EIF4G3: variants seen among roughly 807,000 people sequenced by gnomAD.
EIF4G3 encodes the protein eIF-4-gamma 3.
In EIF4G3, 34 loss-of-function variants were observed where a neutral mutation model predicts 186.4. The observed-to-expected ratio is 0.18, with a 90% CI of 0.14 to 0.24. EIF4G3 has a LOEUF of 0.24. Among genes scored for constraint, EIF4G3 ranks in the 10% least tolerant of loss-of-function variants. EIF4G3 has a pLI of 1.00. For missense variants in EIF4G3, 1,536 were observed against 1,948.5 expected, an observed-to-expected ratio of 0.79 and a Z score of 3.99; for synonymous variants, 673 against 679.5, an observed-to-expected ratio of 0.99 and a Z score of 0.15.
intron 33 of EIF4G3, among the ~76,000 whole-genome samples, chr1:20,822,127 C>T (rs531436496): frequency 3.9e-5 from 6 of 152,190 alleles, no homozygotes; most frequent in East Asian, 1.9e-4. Context: ...CCGCCCGCCT[C>T]GGCCTCTCAA....
intron 14 of EIF4G3, among the ~76,000 whole-genome samples, chr1:20,910,784 G>A (rs1246259532): frequency 6.6e-6 from 1 of 152,088 alleles, no homozygotes; most frequent in Non-Finnish European, 1.5e-5. Context: ...TAGAGAGTAG[G>A]TTAAGGTTAA....
chr1:21,024,976 C>A (rs2091838075), intron 4 of EIF4G3, among the ~76,000 whole-genome samples: 1 of 151,936 alleles, frequency 6.6e-6, no homozygotes, highest in South Asian at 2.1e-4. Context: ...GTGATTAATT[C>A]TTCCTGGGAG....
chr1:20,932,429 G>C (rs187334018), intron 14 of EIF4G3, among the ~76,000 whole-genome samples: 8 of 152,066 alleles, frequency 5.3e-5, no homozygotes, highest in Non-Finnish European at 2.9e-5. Context: ...CTGTCTCAAG[G>C]GGCCTAGCTT....
At position 20,937,211 on chromosome 1, in the gene EIF4G3, A is replaced by C. The variant is rs551737466; in HGVS notation, c.1663+4280T>G. Among the ~76,000 whole-genome samples, 7 of 152,308 alleles carry C rather than the reference A, an allele frequency of 4.6e-5. No individual in the cohort carries two copies. The East Asian group carries it at 1.4e-3, about 29-fold the overall frequency. On this transcript the variant is annotated intron_variant, in intron 14 of 36. Transcript: ENST00000602326. ...AGAGAGAGAGGGAATAAACCACTGAACCAACACAGTGATGATGAGAAAGGA... is the reference window on the plus strand; with the variant it reads ...AGAGAGAGAGGGAATAAACCACTGACCCAACACAGTGATGATGAGAAAGGA...
intron 14 of EIF4G3, among the ~76,000 whole-genome samples, chr1:20,935,961 T>A (rs2095504621): frequency 6.6e-6 from 1 of 152,180 alleles, no homozygotes. Context: ...TTGAACAAAG[T>A]ATAACTACTC....
intron 15 of EIF4G3, among the ~76,000 whole-genome samples, chr1:20,900,724 G>C (rs553709593): frequency 6.6e-6 from 1 of 152,174 alleles, no homozygotes; most frequent in African/African-American, 2.4e-5. Context: ...CTCTTTTCAC[G>C]ATGGGTATGC....
chr1:21,008,182 A>G (rs773244922), intron 4 of EIF4G3, among the ~76,000 whole-genome samples: 7 of 152,234 alleles, frequency 4.6e-5, no homozygotes, highest in Non-Finnish European at 1.0e-4. Flanking sequence ...AATATCCAGT[A>G]GGAAGTCTGC....
chr1:21,153,570 G>A (rs1177732891), intron 2 of EIF4G3, among the ~76,000 whole-genome samples: 3 of 152,028 alleles, frequency 2.0e-5, no homozygotes, highest in Admixed American at 6.6e-5. Context: ...TTGTTTGTTT[G>A]TTTGTTTGAG....
intron 2 of EIF4G3, among the ~76,000 whole-genome samples, chr1:21,152,380 G>A (rs1472217104): frequency 7.4e-6 from 1 of 135,790 alleles, no homozygotes; most frequent in African/African-American, 2.7e-5. Context: ...AAAAATCTTT[G>A]GGTTCACAAA....
intron 6 of EIF4G3, chr1:20,999,315 A>G (rs746692144): frequency 1.4e-5 from 5 of 361,912 alleles, no homozygotes. Context: ...GAGGTCTTGT[A>G]TTTTCAGTTT....
chr1:20,985,460 C>T (rs575056377), intron 7 of EIF4G3, among the ~76,000 whole-genome samples: 10 of 150,790 alleles, frequency 6.6e-5, no homozygotes, highest in Non-Finnish European at 1.5e-4. Context: ...GGATCACTTA[C>T]ACACACACAC....
At chr1:21,037,428 G>A (rs974396270) in intron 4 of EIF4G3, among the ~76,000 whole-genome samples, 1 of 152,078 alleles carries the variant, frequency 6.6e-6, no homozygotes, top group Admixed American at 6.6e-5. Context: ...AAACACTATA[G>A]TATAACTTTA....
At chr1:21,110,588 C>T (rs1298509069) in intron 2 of EIF4G3, among the ~76,000 whole-genome samples, 1 of 152,170 alleles carries the variant, frequency 6.6e-6, no homozygotes, top group Non-Finnish European at 1.5e-5. Context: ...AGCCACCACG[C>T]CTGGCCTAAT....
At chr1:20,972,549 G>A (rs143558399) in intron 11 of EIF4G3, among the ~76,000 whole-genome samples, 12 of 152,100 alleles carry the variant, frequency 7.9e-5, no homozygotes, top group African/African-American at 2.9e-4. Flanking sequence ...CATGAGAATC[G>A]CTTGAGCCCC....
intron 33 of EIF4G3, among the ~76,000 whole-genome samples, chr1:20,819,544 A>C (rs1215819048): frequency 1.4e-4 from 22 of 151,864 alleles, no homozygotes; most frequent in Admixed American, 1.4e-3. Context: ...TGCAGCCTTG[A>C]CCTCCCAGGC....
chr1:21,149,015 G>A (rs922339584), intron 2 of EIF4G3, among the ~76,000 whole-genome samples: 2 of 151,532 alleles, frequency 1.3e-5, no homozygotes, highest in Admixed American at 6.6e-5. Context: ...AGGATAGCTT[G>A]AGCCCAGGAG....
chr1:20,855,673 T>C (rs1557937645), intron 25 of EIF4G3, among the ~76,000 whole-genome samples: 1 of 152,196 alleles, frequency 6.6e-6, no homozygotes, highest in Non-Finnish European at 1.5e-5. Flanking sequence ...ATAAAATACA[T>C]ATAACATAAA....
At chr1:21,125,785 C>T (rs200046135) in intron 2 of EIF4G3, among the ~76,000 whole-genome samples, 725 of 40,902 alleles carry the variant, frequency 0.018, 4 homozygotes, top group Non-Finnish European at 0.028. Flanking sequence ...CACACACACA[C>T]ACACACACAC....
chr1:20,837,578 T>C (rs1218863490), intron 30 of EIF4G3, among the ~76,000 whole-genome samples: 1 of 152,138 alleles, frequency 6.6e-6, no homozygotes, highest in Non-Finnish European at 1.5e-5. Flanking sequence ...CCCCAACTGT[T>C]CAGAAGTTGA....
Sources: allele counts gnomAD v4.1 joint callset (sites outside exome capture counted in the v4.1 genomes callset), GRCh38; gene constraint gnomAD v4.1.1; transcripts MANE v1.5; gene names NCBI Gene and HGNC (gene_info 2026-07-23, HGNC 2026-07-21).